The following ABCB1 variants were observed in gnomAD, a reference collection of about 807,000 sequenced individuals.
ABCB1 encodes the protein ATP binding cassette subfamily B member 1, also known as ATP-dependent translocase ABCB1.
In ABCB1, 69 loss-of-function variants were observed where a neutral mutation model predicts 142.0. The ratio of observed to expected loss-of-function variants is 0.49; its 90% confidence interval spans 0.40 to 0.59. ABCB1 has a LOEUF of 0.59. Among genes scored for constraint, ABCB1 ranks in the 20% least tolerant of loss-of-function variants. ABCB1 has a pLI of 0.00. For missense variants in ABCB1, 1,326 were observed against 1,554.7 expected, an observed-to-expected ratio of 0.85 and a Z score of 2.47; for synonymous variants, 532 against 539.2, an observed-to-expected ratio of 0.99 and a Z score of 0.18.
At chr7:87,514,407 C>G (rs1413312042) in intron 25 of ABCB1, among the ~76,000 whole-genome samples, 1 of 152,210 alleles carries the variant, frequency 6.6e-6, no homozygotes, top group Non-Finnish European at 1.5e-5. Flanking sequence ...TTTAAACTCA[C>G]TACTCCCTGC....
At chr7:87,624,161 A>G (rs1464064525) in intron 1 of ABCB1, among the ~76,000 whole-genome samples, 1 of 152,218 alleles carries the variant, frequency 6.6e-6, no homozygotes. Context: ...ATATCTATCC[A>G]TTTGTGGTTC....
chr7:87,541,611 T>G, intron 17 of ABCB1, 147 bp from the exon 18 acceptor site: 3 of 684,192 alleles, frequency 4.4e-6, no homozygotes, highest in Non-Finnish European at 7.9e-6. Flanking sequence ...TTGCCAGCCT[T>G]AAAGGTGTCT....
chr7:87,660,264 C>T (rs1339875007), intron 1 of ABCB1, among the ~76,000 whole-genome samples: 1 of 152,030 alleles, frequency 6.6e-6, no homozygotes, highest in Non-Finnish European at 1.5e-5. Flanking sequence ...ACATGCACTT[C>T]AACTACTAAT....
chr7:87,506,220 C>T lies in ABCB1; in HGVS notation c.3490-177G>A, dbSNP rs1814734368. 38 of 626,374 alleles carry T rather than the reference C, an allele frequency of 6.1e-5. No homozygotes were observed. In the South Asian group the frequency reaches 7.6e-4, roughly 13 times the overall value. 38.8% of individuals were successfully genotyped at this position (626,374 alleles called of 1,614,324 possible). ...AAAAAAGCCCAAAATGGCAGGTTTA[C>T]TATCTATTTGAAAATAAATGTTTGG... On this transcript the variant is annotated intron_variant, in intron 26 of 27. Transcript: ENST00000622132.
intron 7 of ABCB1, among the ~76,000 whole-genome samples, chr7:87,562,219 T>C (rs1394229074): frequency 6.6e-6 from 1 of 152,156 alleles, no homozygotes; most frequent in Admixed American, 6.5e-5. Context: ...GAGGAATGGG[T>C]GGATGAAGGC....
upstream of ABCB1, among the ~76,000 whole-genome samples, chr7:87,604,248 A>G (rs568595381): frequency 2.0e-4 from 30 of 151,632 alleles, no homozygotes; most frequent in Admixed American, 5.9e-4. Flanking sequence ...TATTTTCTGT[A>G]TTTTTCCTAG....
Position 87,679,638 on chromosome 7 carries a change from C to T in ABCB1, c.-331+33523G>A, listed in dbSNP as rs1044672131. On this transcript the variant is annotated intron_variant, in intron 1 of 28. Coordinates refer to the ABCB1 transcript ENST00000265724. ...CTACTGGGCTCAAGTGGTCCTCTCA[C>T]TTCAGCCTTTCAAAGTGCTGAGATT... Among the ~76,000 whole-genome samples, 17 of 150,360 alleles carry T rather than the reference C, an allele frequency of 1.1e-4. 1 individual carries two copies. Among genetic ancestry groups the T allele is most frequent in the Non-Finnish European group, 2.5e-4 (17 of 67,850 alleles).
intron 1 of ABCB1, among the ~76,000 whole-genome samples, chr7:87,703,536 A>G (rs1437656501): frequency 6.6e-6 from 1 of 152,176 alleles, no homozygotes; most frequent in Non-Finnish European, 1.5e-5. Context: ...ATCTTCAACC[A>G]AGGGGTTGTA....
intron 1 of ABCB1, among the ~76,000 whole-genome samples, chr7:87,638,648 C>T (rs754573271): frequency 4.0e-4 from 60 of 150,228 alleles, no homozygotes; most frequent in Non-Finnish European, 8.3e-4. Context: ...TTAATATCCT[C>T]TTAATGTCTT....
At chr7:87,585,814 C>G in intron 3 of ABCB1, 134 bp from the exon 4 acceptor site, 1 of 838,026 alleles carries the variant, frequency 1.2e-6, no homozygotes, top group Admixed American at 2.5e-5. Flanking sequence ...TCCAAGACAC[C>G]CTCTACCTTT....
intron 26 of ABCB1, chr7:87,506,285 T>C (rs538187057): frequency 2.0e-6 from 1 of 499,600 alleles, no homozygotes; most frequent in South Asian, 2.7e-5. Flanking sequence ...AGGTCAGCAT[T>C]TTAATGAAGA....
chr7:87,545,911 A>G lies in ABCB1; in HGVS notation c.1839T>C (p.Asp613=), dbSNP rs138926696. 5.6e-6 allele frequency: 9 copies of G among 1,614,056 alleles called. No individual in the cohort carries two copies. The highest frequency in any genetic ancestry group is 6.8e-6 in the Non-Finnish European group (8 of 1,180,008). ...DGVIVEKGNH[D]ELMKEKGIYF... is the part of the protein sequence containing the mutation. ...AAATGCCTTTCTCTTTCATGAGTTC[A>G]TCATGATTTCCTTTCTCCACAATGA... Residue 613 remains aspartate, a synonymous_variant, in exon 15 of 28, where the codon GAT becomes GAC. Coordinates refer to ENST00000622132, the MANE Select transcript of ABCB1 (RefSeq NM_001348946.2).
rs200514028 is a variant in ABCB1 at position 87,515,266 on chromosome 7, G to C, written c.3247C>G (p.Leu1083Val). 21 of 1,613,996 alleles carry C rather than the reference G, an allele frequency of 1.3e-5. No individual in the cohort carries two copies. The highest frequency in any genetic ancestry group is 1.5e-5 in the Non-Finnish European group (18 of 1,180,030). The change falls in exon 25 of 28, where the codon CTG (leucine) becomes GTG (valine). Residue 1083 changes from leucine (L) to valine (V), a missense_variant. Physicochemically the swap from Leu to Val is conservative, Grantham distance 32. Coordinates refer to ENST00000622132, the MANE Select transcript of ABCB1 (RefSeq NM_001348946.2). ...GCCAAGGGGTCGTAGAACCGCTCCAGGAGCTGGACCACTGTGCTCTTCCCA... is the reference window on the plus strand; with the variant it reads ...GCCAAGGGGTCGTAGAACCGCTCCACGAGCTGGACCACTGTGCTCTTCCCA... ...GCGKSTVVQLLERFYDPLAGK... is the reference protein window; with the variant it reads ...GCGKSTVVQLVERFYDPLAGK...
intron 3 of ABCB1, among the ~76,000 whole-genome samples, chr7:87,595,060 C>T (rs1333649223): frequency 1.3e-5 from 2 of 151,978 alleles, no homozygotes; most frequent in Non-Finnish European, 2.9e-5. Flanking sequence ...ATTAACTAGG[C>T]AGAGGTTGCA....
In ABCB1 at chr7:87,608,319, G is replaced by A. The variant is rs914937722; in HGVS notation, c.-330-7241C>T. Among the ~76,000 whole-genome samples the A allele has an allele frequency of 4.6e-5, 7 of 152,162 alleles. No individual in the cohort carries two copies. The South Asian group carries it at 8.3e-4, about 18-fold the overall frequency. ...CTTAGTACCTGGATGTCTATATTCC[G>A]AATGTTTACTTGTGTTTATGTTGTT... On this transcript the variant is annotated intron_variant, in intron 1 of 28. Coordinates refer to the ABCB1 transcript ENST00000265724.
At chr7:87,626,023 T>TATATATATATAGAGAGAGAG (rs1378522030) in intron 1 of ABCB1, among the ~76,000 whole-genome samples, 1 of 114,538 alleles carries the variant, frequency 8.7e-6, no homozygotes, top group Admixed American at 8.5e-5. Flanking sequence ...TATATATATA[T>TATATATATATAGAGAGAGAG]AGAGAGAGAG....
chr7:87,663,364 C>A (rs1221159148), intron 1 of ABCB1, among the ~76,000 whole-genome samples: 1 of 152,040 alleles, frequency 6.6e-6, no homozygotes, highest in Non-Finnish European at 1.5e-5. Flanking sequence ...TTGTCCAGTT[C>A]AGCTGCATTC....
chr7:87,589,638 G>A (rs778892182), intron 3 of ABCB1, among the ~76,000 whole-genome samples: 1 of 151,902 alleles, frequency 6.6e-6, no homozygotes. Context: ...TTTAAAAATT[G>A]TTTGGGTGTG....
At chr7:87,585,811 C>T (rs746166069) in intron 3 of ABCB1, 131 bp from the exon 4 acceptor site, 1 of 846,060 alleles carries the variant, frequency 1.2e-6, no homozygotes, top group Non-Finnish European at 1.8e-6. Context: ...TAGTCCAAGA[C>T]ACCCTCTACC....
Sources: allele counts gnomAD v4.1 joint callset (sites outside exome capture counted in the v4.1 genomes callset), GRCh38; gene constraint gnomAD v4.1.1; transcripts MANE v1.5; gene names NCBI Gene and HGNC (gene_info 2026-07-23, HGNC 2026-07-21).